Variants in CHODL observed in about 807,000 individuals in gnomAD.
The protein encoded by CHODL is transmembrane protein MT75.
A neutral mutation model predicts 34.5 loss-of-function variants in CHODL; 29 were observed. That is an observed-to-expected ratio of 0.84 (90% CI 0.63 to 1.15). The LOEUF (loss-of-function observed/expected upper bound fraction) is 1.15, where lower values mean the gene tolerates loss of function less well. Among genes scored for constraint, CHODL ranks in the 50% most tolerant of loss-of-function variants. The probability of loss-of-function intolerance (pLI) is 0.00; values close to 1 mark genes in which losing one functional copy is unlikely to be tolerated. For missense variants in CHODL, 332 were observed against 332.5 expected (o/e 1.00, Z 0.01); for synonymous variants, 125 against 116.1 (o/e 1.08, Z -0.49).
intron 2 of CHODL, among the ~76,000 whole-genome samples, chr21:18,057,056 G>T (rs539093967): frequency 6.6e-6 from 1 of 152,028 alleles, no homozygotes; most frequent in African/African-American, 2.4e-5. Flanking sequence ...CTTACACTGA[G>T]GAACTTCCAT....
intron 2 of CHODL, among the ~76,000 whole-genome samples, chr21:18,231,394 G>A (rs1376362245): frequency 6.6e-6 from 1 of 152,032 alleles, no homozygotes; most frequent in Admixed American, 6.6e-5. Context: ...CTATATCTGT[G>A]ACTTGGCACA....
chr21:18,003,691 GTC>G (rs962196828), intron 1 of CHODL, among the ~76,000 whole-genome samples: 1 of 151,912 alleles, frequency 6.6e-6, no homozygotes, highest in Non-Finnish European at 1.5e-5. Flanking sequence ...CTTTCTGTCT[GTC>G]TCTCTCTCTT....
intron 2 of CHODL, among the ~76,000 whole-genome samples, chr21:18,144,378 G>T (rs558315900): frequency 6.6e-6 from 1 of 152,194 alleles, no homozygotes; most frequent in South Asian, 2.1e-4. Context: ...TTACAATTAG[G>T]AGAATTTGTA....
In CHODL at chr21:18,185,724, T is replaced by A. The variant is rs981773242; in HGVS notation, c.-44-70785T>A. Among the ~76,000 whole-genome samples, 3 of 152,202 alleles carry A rather than the reference T, an allele frequency of 2.0e-5. No homozygotes were observed. In the East Asian group the frequency reaches 5.8e-4, roughly 29 times the overall value. ...ACTGGATACCTTGTAAATAGCAATTTATTTCTCACAGTTTTGAAGGCTGGA... is the reference window on the plus strand; with the variant it reads ...ACTGGATACCTTGTAAATAGCAATTAATTTCTCACAGTTTTGAAGGCTGGA... On this transcript the variant is annotated intron_variant, in intron 2 of 6. Coordinates refer to the CHODL transcript ENST00000400127.
At position 18,255,435 on chromosome 21, in the gene CHODL, G is replaced by A. The variant is rs2074304170; in HGVS notation, c.80-1074G>A. ...AGGAAGACATTGTTATTTCATATGT[G>A]TTTAATATATAAGTAGAGCCTCTAA... On this transcript the variant is annotated intron_variant, in intron 1 of 5. Coordinates refer to ENST00000299295, the MANE Select transcript of CHODL (RefSeq NM_024944.3). Among the ~76,000 whole-genome samples the A allele has an allele frequency of 1.3e-5, 2 of 152,048 alleles. 1 individual carries two copies. The highest frequency in any genetic ancestry group is 1.3e-4 in the Admixed American group (2 of 15,254).
At chr21:17,996,073 A>ATT (rs1161700588) in intron 1 of CHODL, among the ~76,000 whole-genome samples, 5 of 150,248 alleles carry the variant, frequency 3.3e-5, no homozygotes, top group African/African-American at 1.2e-4. Context: ...TTGACTCATC[A>ATT]TTTATTTTTT....
intron 2 of CHODL, among the ~76,000 whole-genome samples, chr21:18,058,771 C>T (rs204016): frequency 0.6 from 90,944 of 151,950 alleles, 27,918 homozygotes; most frequent in Middle Eastern, 0.66. Context: ...TCTTTGATTT[C>T]AGCCTTATGG....
chr21:18,251,903 C>T (rs947789132), intron 1 of CHODL, among the ~76,000 whole-genome samples: 1 of 151,176 alleles, frequency 6.6e-6, no homozygotes, highest in Non-Finnish European at 1.5e-5. Flanking sequence ...AATAAACCTG[C>T]ACATCCTACA....
intron 1 of CHODL, among the ~76,000 whole-genome samples, chr21:18,248,812 G>A (rs1483944821): frequency 8.6e-6 from 1 of 116,850 alleles, no homozygotes; most frequent in Non-Finnish European, 1.6e-5. Flanking sequence ...ATATATGTAT[G>A]TATATTATAT....
chr21:18,014,234 C>T lies in CHODL; in HGVS notation c.-144-13638C>T, dbSNP rs2064049322. 2.0e-5 allele frequency among the ~76,000 whole-genome samples: 3 copies of T among 152,010 alleles called. No individual in the cohort carries two copies. In the South Asian group the frequency reaches 6.2e-4, roughly 32 times the overall value. On this transcript the variant is annotated intron_variant, in intron 1 of 6. Transcript: ENST00000400127. ...AAAGACATGGAATTAACTTAGGTGC[C>T]CATCAATGGTGGAATGGATAAAGAA...
chr21:18,193,681 G>A (rs2073541663), intron 2 of CHODL, among the ~76,000 whole-genome samples: 1 of 140,068 alleles, frequency 7.1e-6, no homozygotes, highest in Non-Finnish European at 1.5e-5. Flanking sequence ...GGGCAACAGA[G>A]CAAGACTCTG....
intron 1 of CHODL, among the ~76,000 whole-genome samples, chr21:18,001,371 G>C (rs2063904305): frequency 6.6e-6 from 1 of 152,230 alleles, no homozygotes; most frequent in African/African-American, 2.4e-5. Flanking sequence ...TGGTCTTGCT[G>C]CTTCCATGGG....
chr21:17,989,410 A>G (rs561455153), intron 1 of CHODL, among the ~76,000 whole-genome samples: 1 of 152,318 alleles, frequency 6.6e-6, no homozygotes, highest in East Asian at 1.9e-4. Context: ...GCATCTTAGG[A>G]GATTCTTCCT....
chr21:18,011,587 A>G (rs2064020443), intron 1 of CHODL, among the ~76,000 whole-genome samples: 1 of 152,196 alleles, frequency 6.6e-6, no homozygotes, highest in Non-Finnish European at 1.5e-5. Flanking sequence ...TAAGTTCACT[A>G]CAGCTCTTGC....
intron 1 of CHODL, among the ~76,000 whole-genome samples, chr21:17,980,730 G>T (rs923117794): frequency 6.6e-6 from 1 of 152,142 alleles, no homozygotes; most frequent in African/African-American, 2.4e-5. Flanking sequence ...AAATACTTCT[G>T]AGGAGTCTGC....
At chr21:18,243,893 T>C (rs1601191977), upstream of CHODL, among the ~76,000 whole-genome samples, 1 of 152,194 alleles carries the variant, frequency 6.6e-6, no homozygotes, top group African/African-American at 2.4e-5. Flanking sequence ...ACAAGTAATG[T>C]TATTTAACAA....
At chr21:18,059,448 A>G (rs544548601) in intron 2 of CHODL, among the ~76,000 whole-genome samples, 2 of 151,430 alleles carry the variant, frequency 1.3e-5, no homozygotes, top group East Asian at 3.9e-4. Flanking sequence ...TTTCATTTGT[A>G]TCCTTAAAAG....
intron 2 of CHODL, among the ~76,000 whole-genome samples, chr21:18,060,545 A>T (rs985050566): frequency 6.6e-6 from 1 of 151,940 alleles, no homozygotes; most frequent in Non-Finnish European, 1.5e-5. Context: ...GCCTGGATAT[A>T]GTACCCATCA....
At chr21:17,934,175 C>A (rs1432829869) in intron 1 of CHODL, among the ~76,000 whole-genome samples, 2 of 151,714 alleles carry the variant, frequency 1.3e-5, no homozygotes, top group Non-Finnish European at 2.9e-5. Flanking sequence ...CCAAACCCCA[C>A]CACTATGCAA....
Sources: gnomAD v4.1 joint callset for allele counts (sites outside exome capture counted in the v4.1 genomes callset) on GRCh38, gnomAD v4.1.1 for gene constraint, MANE v1.5 for transcripts, NCBI Gene and HGNC (gene_info 2026-07-23, HGNC 2026-07-21) for gene names.